The following AAK1 variants were observed in gnomAD, a reference collection of about 807,000 sequenced individuals.
AAK1 encodes the protein AP2 associated kinase 1.
In AAK1, 37 loss-of-function variants were observed where a neutral mutation model predicts 116.0. The observed-to-expected ratio is 0.32, with a 90% CI of 0.25 to 0.42. The LOEUF is 0.42. AAK1 is among the 10% of genes least tolerant of loss of function. AAK1 has a pLI of 1.00. For synonymous variants in AAK1, 458 were observed against 439.9 expected (o/e 1.04, Z -0.51); for missense variants, 919 against 1,170.6 (o/e 0.79, Z 3.14).
rs1670759562 is a variant in AAK1 at position 69,542,396 on chromosome 2, G to GAATAT, written c.534+122_534+126dup. Reference sequence around the variant, plus strand: ...CTTTGTTATTTTCTCTCCTCAGGCAGAATATAAACATAAAAACAGGGACCA... The same window carrying GAATAT: ...CTTTGTTATTTTCTCTCCTCAGGCAGAATATAATATAAACATAAAAACAGGGACCA... On this transcript the variant is annotated intron_variant, in intron 5 of 21. Transcript: ENST00000409085. 4 of 1,188,044 alleles carry GAATAT rather than the reference G, an allele frequency of 3.4e-6. No homozygotes were observed. In the South Asian group the frequency reaches 6.4e-5, roughly 19 times the overall value. The allele number at this position is 1,188,044 out of a possible 1,614,324, so 73.6% of individuals were successfully genotyped here.
At chr2:69,562,886 T>C (rs1572960152) in intron 2 of AAK1, among the ~76,000 whole-genome samples, 2 of 151,596 alleles carry the variant, frequency 1.3e-5, no homozygotes, top group East Asian at 1.9e-4. Context: ...CGAGACTCCA[T>C]CTCAAAAACA....
At chr2:69,640,079 TCC>T (rs568869134) in intron 2 of AAK1, among the ~76,000 whole-genome samples, 7,099 of 136,206 alleles carry the variant, frequency 0.052, 673 homozygotes, top group East Asian at 0.29. Context: ...TCTCTCTCTC[TCC>T]CCCCCCACAT....
intron 5 of AAK1, among the ~76,000 whole-genome samples, chr2:69,535,128 T>C (rs1379536085): frequency 6.6e-6 from 1 of 152,214 alleles, no homozygotes; most frequent in Non-Finnish European, 1.5e-5. Flanking sequence ...GCTTCTCCTA[T>C]TGTATGTGTG....
At chr2:69,529,360 C>T (rs1363212654) in intron 8 of AAK1, among the ~76,000 whole-genome samples, 1 of 151,954 alleles carries the variant, frequency 6.6e-6, no homozygotes, top group East Asian at 1.9e-4. Flanking sequence ...ATCTCTGCTT[C>T]TTTAGCATTT....
At chr2:69,582,472 G>A (rs1381212768) in intron 2 of AAK1, among the ~76,000 whole-genome samples, 1 of 152,206 alleles carries the variant, frequency 6.6e-6, no homozygotes, top group Non-Finnish European at 1.5e-5. Context: ...TGGTTTCGGG[G>A]TGGGAGAGGT....
chr2:69,476,372 G>A (rs757232357), intron 21 of AAK1, among the ~76,000 whole-genome samples: 5 of 152,116 alleles, frequency 3.3e-5, no homozygotes, highest in Admixed American at 1.3e-4. Context: ...TTAAGATACT[G>A]CAATAAGAAC....
At chr2:69,565,943 T>C (rs182702188) in intron 2 of AAK1, among the ~76,000 whole-genome samples, 14 of 151,426 alleles carry the variant, frequency 9.2e-5, no homozygotes, top group African/African-American at 3.4e-4. Flanking sequence ...TGGCAGAGTG[T>C]CCTCTCCACA....
chr2:69,521,497 C>A (rs78239836), intron 10 of AAK1, among the ~76,000 whole-genome samples: 3,205 of 152,210 alleles, frequency 0.021, 73 homozygotes, highest in African/African-American at 0.051. Context: ...AACATGGGAA[C>A]TGGAAGGAAA....
intron 13 of AAK1, among the ~76,000 whole-genome samples, chr2:69,513,505 A>T (rs973051054): frequency 2.0e-5 from 3 of 151,838 alleles, no homozygotes; most frequent in Admixed American, 2.0e-4. Flanking sequence ...TTGTATTTTT[A>T]GTAGAGACGT....
In AAK1 at chr2:69,471,539, G is replaced by T. The variant is rs1169984247; in HGVS notation, c.*4330C>A. ...ATGTGATAGTTTTTCTGTTCTGCCAGGCAGCCTCTAATTTGCTTAACCCGG... is the reference window on the plus strand; with the variant it reads ...ATGTGATAGTTTTTCTGTTCTGCCATGCAGCCTCTAATTTGCTTAACCCGG... On this transcript the variant is annotated 3_prime_UTR_variant, in exon 22 of 22. Coordinates refer to ENST00000409085, the MANE Select transcript of AAK1 (RefSeq NM_014911.5). The T allele has an allele frequency of 1.0e-6, 1 of 985,314 alleles. No individual in the cohort carries two copies. Among genetic ancestry groups the T allele is most frequent in the African/African-American group, 1.7e-5 (1 of 57,230 alleles). 61.0% of individuals were successfully genotyped at this position (985,314 alleles called of 1,614,324 possible).
At position 69,643,453 on chromosome 2, in the gene AAK1, C is replaced by T. The variant is rs188274182; in HGVS notation, c.-235+122G>A. On this transcript the variant is annotated intron_variant, in intron 1 of 21. Transcript: ENST00000409085. ...GCCCCAGAACCCGGGACCCCCGAGC[C>T]GGGAGCTCGGAGAAAGGAGGGATCC... The T allele has an allele frequency of 1.3e-4, 158 of 1,194,518 alleles. No individual in the cohort carries two copies. In the African/African-American group the frequency reaches 2.2e-3, roughly 17 times the overall value. 74.0% of individuals were successfully genotyped at this position (1,194,518 alleles called of 1,614,324 possible). A position where few individuals can be genotyped will look rare whatever the true frequency, so the allele number is the denominator to read the frequency against.
At chr2:69,575,958 AT>A (rs755799793) in intron 2 of AAK1, among the ~76,000 whole-genome samples, 21 of 152,136 alleles carry the variant, frequency 1.4e-4, no homozygotes, top group Non-Finnish European at 5.9e-5. Flanking sequence ...TGATGGGCTA[AT>A]TTCCTAGAAA....
At chr2:69,631,240 A>G (rs1270826085) in intron 2 of AAK1, among the ~76,000 whole-genome samples, 1 of 152,174 alleles carries the variant, frequency 6.6e-6, no homozygotes, top group African/African-American at 2.4e-5. Flanking sequence ...AAGGACAATA[A>G]TCTTTCTCTT....
rs371344053 is a variant in AAK1 at position 69,465,643 on chromosome 2, G to C, written c.*10226C>G. On this transcript the variant is annotated 3_prime_UTR_variant, in exon 22 of 22. Transcript: ENST00000409085. ...TGACGGGAATACTTGGATAAGGACTGGGGGCGGAATGGTTTGCCAGCCATG... is the reference window on the plus strand; with the variant it reads ...TGACGGGAATACTTGGATAAGGACTCGGGGCGGAATGGTTTGCCAGCCATG... 2.5e-5 allele frequency: 32 copies of C among 1,290,924 alleles called. No homozygotes were observed. The highest frequency in any genetic ancestry group is 3.1e-5 in the Non-Finnish European group (31 of 988,876). 80.0% of individuals were successfully genotyped at this position (1,290,924 alleles called of 1,614,324 possible).
At chr2:69,543,200 C>T (rs1167522406) in intron 4 of AAK1, among the ~76,000 whole-genome samples, 5 of 152,184 alleles carry the variant, frequency 3.3e-5, no homozygotes. Context: ...GATGACCTCA[C>T]TTACAACATT....
intron 2 of AAK1, among the ~76,000 whole-genome samples, chr2:69,578,742 C>G (rs746329852): frequency 6.6e-6 from 1 of 152,080 alleles, no homozygotes; most frequent in Non-Finnish European, 1.5e-5. Flanking sequence ...CTTTCTCCCA[C>G]CAGTGTTTAA....
intron 17 of AAK1, among the ~76,000 whole-genome samples, chr2:69,483,015 G>A (rs867774033): frequency 1.3e-5 from 2 of 152,126 alleles, no homozygotes; most frequent in Admixed American, 6.6e-5. Flanking sequence ...CTCAAGTGAA[G>A]TAGTCACTTT....
chr2:69,507,752 G>A (rs1214978927), intron 14 of AAK1, among the ~76,000 whole-genome samples, 174 bp from the exon 15 acceptor site: 2 of 145,472 alleles, frequency 1.4e-5, no homozygotes, highest in Admixed American at 7.0e-5. Context: ...TTTCACCCAC[G>A]TTGGAGCACA....
intron 2 of AAK1, among the ~76,000 whole-genome samples, chr2:69,612,852 T>C (rs1290317344): frequency 1.3e-5 from 2 of 152,238 alleles, no homozygotes; most frequent in Non-Finnish European, 2.9e-5. Flanking sequence ...CACTCTACTA[T>C]GATGTCAACT....
Sources: gnomAD v4.1 joint callset for allele counts (sites outside exome capture counted in the v4.1 genomes callset) on GRCh38, gnomAD v4.1.1 for gene constraint, MANE v1.5 for transcripts, NCBI Gene and HGNC (gene_info 2026-07-23, HGNC 2026-07-21) for gene names.